The following INSL4 variants were observed in gnomAD, a reference collection of about 807,000 sequenced individuals.
INSL4 encodes the protein early placenta insulin-like peptide.
Under a neutral mutation model 6.5 loss-of-function variants are expected in INSL4, and 7 were observed. The observed-to-expected ratio is 1.08, with a 90% CI of 0.61 to 2.02. INSL4 has a LOEUF of 2.02. Ranked by LOEUF, INSL4 falls within the 30% of genes most tolerant of loss-of-function variation. The pLI, the probability that INSL4 is intolerant of heterozygous loss-of-function variation, is 0.00. For missense variants in INSL4, 226 were observed against 163.2 expected, an observed-to-expected ratio of 1.38 and a Z score of -2.09; for synonymous variants, 82 against 65.8, an observed-to-expected ratio of 1.25 and a Z score of -1.19.
chr9:5,233,270 C>T (rs1586900282), intron 1 of INSL4, among the ~76,000 whole-genome samples: 1 of 152,074 alleles, frequency 6.6e-6, no homozygotes, highest in Admixed American at 6.6e-5. Context: ...ATTTGAATAT[C>T]TGAATCTTTC....
rs1404067207 is a variant in INSL4 at position 5,233,957 on chromosome 9, A to G, written c.*80A>G. The G allele has an allele frequency of 1.1e-6, 1 of 879,412 alleles. No individual in the cohort carries two copies. Among genetic ancestry groups the G allele is most frequent in the Non-Finnish European group, 1.9e-6 (1 of 539,144 alleles). 54.5% of individuals were successfully genotyped at this position (879,412 alleles called of 1,614,324 possible). A position where few individuals can be genotyped will look rare whatever the true frequency, so the allele number is the denominator to read the frequency against. ...AAATTCACTGATGCCCAATTAAATG[A>G]TTGCTGTTTATTAGAACATGAGAAT... On this transcript the variant is annotated 3_prime_UTR_variant, in exon 2 of 2. Transcript: ENST00000239316.
At chr9:5,232,109 G>C (rs1234781683) in intron 1 of INSL4, among the ~76,000 whole-genome samples, 1 of 152,120 alleles carries the variant, frequency 6.6e-6, no homozygotes, top group Non-Finnish European at 1.5e-5. Flanking sequence ...ATTGCAATGA[G>C]ATGCCTGGGC....
chr9:5,231,966 A>G (rs1037584521), intron 1 of INSL4, among the ~76,000 whole-genome samples: 1 of 152,148 alleles, frequency 6.6e-6, no homozygotes, highest in Non-Finnish European at 1.5e-5. Context: ...TGCCTTTCCC[A>G]CCTGGCAGCC....
At position 5,234,128 on chromosome 9, in the gene INSL4, T is replaced by G; in HGVS notation, c.*251T>G. The G allele has an allele frequency of 2.5e-6, 1 of 402,636 alleles. No homozygotes were observed. Among genetic ancestry groups the G allele is most frequent in the Non-Finnish European group, 4.5e-6 (1 of 221,654 alleles). The allele number at this position is 402,636 out of a possible 1,614,324, so 24.9% of individuals were successfully genotyped here. A position where few individuals can be genotyped will look rare whatever the true frequency, so the allele number is the denominator to read the frequency against. On this transcript the variant is annotated 3_prime_UTR_variant, in exon 2 of 2. Coordinates refer to ENST00000239316, the MANE Select transcript of INSL4 (RefSeq NM_002195.2). ...CAATAATTCACTGTATATTCCAAAA[T>G]AGCTAGAAGAGAATTGTAATGATTC... is the stretch of plus-strand genomic sequence containing the variant.
chr9:5,233,947 C>G lies in INSL4; in HGVS notation c.*70C>G, dbSNP rs1826188364. 4.1e-6 allele frequency: 4 copies of G among 978,706 alleles called. No individual in the cohort carries two copies. Among genetic ancestry groups the G allele is most frequent in the Non-Finnish European group, 6.4e-6 (4 of 621,608 alleles). The allele number at this position is 978,706 out of a possible 1,614,324, so 60.6% of individuals were successfully genotyped here. ...TCTCAATGACAAATTCACTGATGCCCAATTAAATGATTGCTGTTTATTAGA... is the reference window on the plus strand; with the variant it reads ...TCTCAATGACAAATTCACTGATGCCGAATTAAATGATTGCTGTTTATTAGA... On this transcript the variant is annotated 3_prime_UTR_variant, in exon 2 of 2. Coordinates refer to ENST00000239316, the MANE Select transcript of INSL4 (RefSeq NM_002195.2).
In INSL4 at chr9:5,231,629, G is replaced by A. The variant is rs749079755; in HGVS notation, c.106G>A (p.Gly36Arg). 42 of 1,613,764 alleles carry A rather than the reference G, an allele frequency of 2.6e-5. No homozygotes were observed. The highest frequency in any genetic ancestry group is 3.5e-5 in the Non-Finnish European group (41 of 1,179,876). Reference sequence around the variant, plus strand: ...GCTGAGGGGATGTGGTCCCCGATTTGGAAAACACTTGCTGTCATATTGCCC... The same window carrying A: ...GCTGAGGGGATGTGGTCCCCGATTTAGAAAACACTTGCTGTCATATTGCCC... Reference protein sequence around the residue: ...AELRGCGPRFGKHLLSYCPMP... With the variant: ...AELRGCGPRFRKHLLSYCPMP... Residue 36 changes from glycine (G) to arginine (R), a missense_variant, in exon 1 of 2, where the codon GGA becomes AGA. Physicochemically the swap from Gly to Arg is moderately radical, Grantham distance 125. Coordinates refer to ENST00000239316, the MANE Select transcript of INSL4 (RefSeq NM_002195.2).
At chr9:5,232,802 A>C (rs1172634013) in intron 1 of INSL4, among the ~76,000 whole-genome samples, 1 of 152,208 alleles carries the variant, frequency 6.6e-6, no homozygotes, top group Non-Finnish European at 1.5e-5. Context: ...GCAATGTGTG[A>C]CTCCAGAACT....
In INSL4 at chr9:5,234,039, G is replaced by C; in HGVS notation, c.*162G>C. ...TGTACTAATATAGTCTCTCCAAATGGAGGAAGTTAGATAGATGGAATAAGT... is the reference window on the plus strand; with the variant it reads ...TGTACTAATATAGTCTCTCCAAATGCAGGAAGTTAGATAGATGGAATAAGT... On this transcript the variant is annotated 3_prime_UTR_variant, in exon 2 of 2. Transcript: ENST00000239316. 1 of 594,042 alleles carries C rather than the reference G, an allele frequency of 1.7e-6. No homozygotes were observed. Among genetic ancestry groups the C allele is most frequent in the East Asian group, 2.8e-5 (1 of 35,432 alleles). 36.8% of individuals were successfully genotyped at this position (594,042 alleles called of 1,614,324 possible). A position where few individuals can be genotyped will look rare whatever the true frequency, so the allele number is the denominator to read the frequency against.
In INSL4 at chr9:5,231,566, C is replaced by A. The variant is rs959062556; in HGVS notation, c.43C>A (p.Leu15Met). Residue 15 changes from leucine (L) to methionine (M), a missense_variant, in exon 1 of 2, where the codon CTG becomes ATG. Transcript: ENST00000239316. Reference sequence around the variant, plus strand: ...GTCCTATCTGCCAGCAATCTGGCTGCTGCTGAGCCAACTCCTTAGAGAAAG... The same window carrying A: ...GTCCTATCTGCCAGCAATCTGGCTGATGCTGAGCCAACTCCTTAGAGAAAG... Reference protein sequence around the residue: ...FRSYLPAIWLLLSQLLRESLA... With the variant: ...FRSYLPAIWLMLSQLLRESLA... The A allele has an allele frequency of 6.2e-7, 1 of 1,613,762 alleles. No homozygotes were observed. Among genetic ancestry groups the A allele is most frequent in the South Asian group, 1.1e-5 (1 of 91,064 alleles).
At position 5,231,667 on chromosome 9, in the gene INSL4, G is replaced by C. The variant is rs763293328; in HGVS notation, c.144G>C (p.Lys48Asn). 1 of 1,613,846 alleles carries C rather than the reference G, an allele frequency of 6.2e-7. No homozygotes were observed. The highest frequency in any genetic ancestry group is 1.1e-5 in the South Asian group (1 of 91,078). ...HLLSYCPMPE[K>N]TFTTTPGGWL... ...TGTCATATTGCCCCATGCCTGAGAA[G>C]ACATTCACCACCACCCCAGGAGGGT... The change falls in exon 1 of 2, where the codon AAG (lysine) becomes AAC (asparagine). Residue 48 changes from lysine to asparagine, a missense_variant. Transcript: ENST00000239316.
At chr9:5,232,459 G>T (rs1826162527) in intron 1 of INSL4, among the ~76,000 whole-genome samples, 1 of 152,176 alleles carries the variant, frequency 6.6e-6, no homozygotes, top group African/African-American at 2.4e-5. Flanking sequence ...AGGGGAAATT[G>T]AAGGGGACCA....
At chr9:5,233,317 A>G (rs895168519) in intron 1 of INSL4, among the ~76,000 whole-genome samples, 1 of 152,124 alleles carries the variant, frequency 6.6e-6, no homozygotes, top group African/African-American at 2.4e-5. Flanking sequence ...AAAATTCCCT[A>G]TTGCTATCCA....
chr9:5,232,565 T>C (rs1826164244), intron 1 of INSL4, among the ~76,000 whole-genome samples: 1 of 152,146 alleles, frequency 6.6e-6, no homozygotes, highest in Admixed American at 6.6e-5. Context: ...AAAGCAAGAT[T>C]TCAGAATTGA....
At position 5,234,937 on chromosome 9, in the gene INSL4, C is replaced by T. The variant is rs1357772919; in HGVS notation, c.*1060C>T. The T allele has an allele frequency of 1.3e-5, 2 of 152,056 alleles. No homozygotes were observed. Among genetic ancestry groups the T allele is most frequent in the Non-Finnish European group, 2.9e-5 (2 of 68,048 alleles). The allele number at this position is 152,056 out of a possible 1,614,324, so 9.4% of individuals were successfully genotyped here. ...TGATACTTGTAGGTCATCATAGAGA[C>T]TGTAATGATCCACAGGAATCAGGGT... On this transcript the variant is annotated 3_prime_UTR_variant, in exon 2 of 2. Coordinates refer to ENST00000239316, the MANE Select transcript of INSL4 (RefSeq NM_002195.2).
intron 1 of INSL4, among the ~76,000 whole-genome samples, chr9:5,233,238 T>G (rs537164258): frequency 6.6e-6 from 1 of 152,292 alleles, no homozygotes; most frequent in South Asian, 2.1e-4. Context: ...CTGATATAGA[T>G]GTATAGATTT....
chr9:5,231,845 T>C (rs574777701), intron 1 of INSL4, 126 bp downstream of exon 1: 314 of 786,206 alleles, frequency 4.0e-4, no homozygotes, highest in Non-Finnish European at 5.1e-4. Context: ...TGGTTTTTCA[T>C]TGTAATGTGC....
rs1258473512 is a variant in INSL4, at chr9:5,234,801, GGTCCT to G, written c.*925_*929del. On this transcript the variant is annotated 3_prime_UTR_variant, in exon 2 of 2. Coordinates refer to ENST00000239316, the MANE Select transcript of INSL4 (RefSeq NM_002195.2). ...TGAAGCTGCTACTACCTCATTATCA[GGTCCT>G]ATAAACTTAATTCAAGTGGCATGAT... 6.6e-6 allele frequency: 1 copy of G among 151,994 alleles called. No homozygotes were observed. The highest frequency in any genetic ancestry group is 2.4e-5 in the African/African-American group (1 of 41,384). The allele number at this position is 151,994 out of a possible 1,614,324, so 9.4% of individuals were successfully genotyped here.
chr9:5,231,654 C>A lies in INSL4; in HGVS notation c.131C>A (p.Pro44His). 6.2e-7 allele frequency: 1 copy of A among 1,613,798 alleles called. No individual in the cohort carries two copies. Among genetic ancestry groups the A allele is most frequent in the South Asian group, 1.1e-5 (1 of 91,066 alleles). Residue 44 changes from proline to histidine, a missense_variant, in exon 1 of 2, where the codon CCC (proline) becomes CAC (histidine). Pro to His is a moderately conservative substitution (Grantham distance 77, BLOSUM62 -2). Transcript: ENST00000239316. ...GGAAAACACTTGCTGTCATATTGCC[C>A]CATGCCTGAGAAGACATTCACCACC... ...RFGKHLLSYC[P>H]MPEKTFTTTP...
Position 5,234,173 on chromosome 9 carries a change from G to A in INSL4, c.*296G>A, listed in dbSNP as rs931136280. On this transcript the variant is annotated 3_prime_UTR_variant, in exon 2 of 2. Transcript: ENST00000239316. The stretch of plus-strand genomic sequence containing the variant: ...TGATTCCAACACAAAAAAGATGAAT[G>A]TTAGTTTGGATGCATATCCCAATTA... 1 of 306,060 alleles carries A rather than the reference G, an allele frequency of 3.3e-6. No individual in the cohort carries two copies. The highest frequency in any genetic ancestry group is 2.2e-5 in the African/African-American group (1 of 46,210). 19.0% of individuals were successfully genotyped at this position (306,060 alleles called of 1,614,324 possible).
Sources: allele counts gnomAD v4.1 joint callset (sites outside exome capture counted in the v4.1 genomes callset), GRCh38; gene constraint gnomAD v4.1.1; transcripts MANE v1.5; gene names NCBI Gene and HGNC (gene_info 2026-07-23, HGNC 2026-07-21).